The following ZNF730 variants were observed in gnomAD, a reference collection of about 807,000 sequenced individuals.
ZNF730 encodes putative zinc finger protein 730.
A neutral mutation model predicts 12.6 loss-of-function variants in ZNF730; 12 were observed. That is an observed-to-expected ratio of 0.95 (90% CI 0.61 to 1.54). The LOEUF is 1.54. Among genes scored for constraint, ZNF730 ranks in the 40% most tolerant of loss-of-function variants. The pLI is 0.00. For synonymous variants in ZNF730, 194 were observed against 195.8 expected (o/e 0.99, Z 0.08); for missense variants, 643 against 583.5 (o/e 1.10, Z -1.05).
chr19:23,116,614 G>T (rs1358934339), upstream of ZNF730, among the ~76,000 whole-genome samples: 1 of 149,380 alleles, frequency 6.7e-6, no homozygotes, highest in Non-Finnish European at 1.5e-5. Flanking sequence ...TAGAGACGGG[G>T]TTTCACTTGT....
At chr19:23,104,850 C>A (rs1970374303) in intron 1 of ZNF730, among the ~76,000 whole-genome samples, 1 of 152,102 alleles carries the variant, frequency 6.6e-6, no homozygotes, top group African/African-American at 2.4e-5. Context: ...TGAAAAATAT[C>A]ACTTTTTAAC....
chr19:23,081,085 A>G (rs933044593), intron 1 of ZNF730, among the ~76,000 whole-genome samples: 1 of 151,354 alleles, frequency 6.6e-6, no homozygotes, highest in Non-Finnish European at 1.5e-5. Context: ...ACCTCAGGTG[A>G]TCCAGCCGCC....
chr19:23,136,718 A>G (rs1438044619), intron 3 of ZNF730, among the ~76,000 whole-genome samples: 1 of 148,736 alleles, frequency 6.7e-6, no homozygotes. Context: ...GAAATTATAC[A>G]GTATGATGTC....
chr19:23,104,587 A>G (rs1970370713), intron 1 of ZNF730, among the ~76,000 whole-genome samples: 1 of 152,170 alleles, frequency 6.6e-6, no homozygotes, highest in Non-Finnish European at 1.5e-5. Flanking sequence ...TTTGGAAACT[A>G]TCTGTGAGTA....
chr19:23,098,711 ACT>A (rs1201204231), intron 1 of ZNF730, among the ~76,000 whole-genome samples: 1 of 150,996 alleles, frequency 6.6e-6, no homozygotes, highest in African/African-American at 2.4e-5. Context: ...AGGTGATATG[ACT>A]CTCCTGCCTG....
At chr19:23,131,528 C>G (rs2145650206) in intron 1 of ZNF730, among the ~76,000 whole-genome samples, 1 of 152,280 alleles carries the variant, frequency 6.6e-6, no homozygotes, top group Non-Finnish European at 1.5e-5. Context: ...CTTTCTGTTT[C>G]TTCTGTAAAC....
At chr19:23,144,052 T>C (rs8108080) in intron 3 of ZNF730, 1 of 152,112 alleles carries the variant, frequency 6.6e-6, no homozygotes, top group Non-Finnish European at 1.5e-5. Context: ...TTTGTTCTTA[T>C]CTTCATTTCT....
rs758498712 is a variant in ZNF730, at chr19:23,145,842, C to T, written c.798C>T (p.Asn266=). 1.3e-4 allele frequency: 202 copies of T among 1,604,536 alleles called. No homozygotes were observed. The highest frequency in any genetic ancestry group is 1.7e-4 in the Non-Finnish European group (196 of 1,177,012). Residue 266 remains asparagine (N), a synonymous_variant, in exon 4 of 4, where the codon AAC becomes AAT. Transcript: ENST00000597761. ...GTGAGAAATGTGGCAAATTTTTTAA[C>T]CAATCCACAAACCTTACTACACATA... ...YQCEKCGKFF[N]QSTNLTTHKR...
chr19:23,105,517 G>A (rs1345608375), intron 1 of ZNF730, among the ~76,000 whole-genome samples: 1 of 152,134 alleles, frequency 6.6e-6, no homozygotes, highest in Non-Finnish European at 1.5e-5. Flanking sequence ...ATGTCTCAAT[G>A]AGAGCACACA....
chr19:23,134,993 A>G (rs1432289108), intron 2 of ZNF730, among the ~76,000 whole-genome samples: 1 of 99,374 alleles, frequency 1.0e-5, no homozygotes, highest in African/African-American at 4.0e-5. Flanking sequence ...GGGCGGTGCA[A>G]GATGTGCTTT....
At chr19:23,078,960 A>G (rs1395639520) in intron 1 of ZNF730, among the ~76,000 whole-genome samples, 1 of 151,822 alleles carries the variant, frequency 6.6e-6, no homozygotes, top group African/African-American at 2.4e-5. Flanking sequence ...ATGTGCCATC[A>G]TGCCTGGCTA....
At chr19:23,136,569 A>T (rs975135223) in intron 3 of ZNF730, among the ~76,000 whole-genome samples, 1 of 152,050 alleles carries the variant, frequency 6.6e-6, no homozygotes, top group African/African-American at 2.4e-5. Flanking sequence ...CACACCCAGC[A>T]AATTAAACTA....
At chr19:23,090,598 A>G (rs1167089455) in intron 1 of ZNF730, among the ~76,000 whole-genome samples, 1 of 152,192 alleles carries the variant, frequency 6.6e-6, no homozygotes, top group African/African-American at 2.4e-5. Flanking sequence ...CATAAGTAGC[A>G]AGGAGCCTAA....
intron 1 of ZNF730, chr19:23,127,386 AT>A (rs1970684041): frequency 1.2e-6 from 1 of 809,024 alleles, no homozygotes; most frequent in Non-Finnish European, 2.1e-6. Flanking sequence ...GTGTTCTTGG[AT>A]ATTCCCAAAT....
chr19:23,083,040 G>A (rs1969991760), intron 1 of ZNF730, among the ~76,000 whole-genome samples: 2 of 151,846 alleles, frequency 1.3e-5, no homozygotes, highest in Non-Finnish European at 2.9e-5. Context: ...CATTTGAATT[G>A]ATTCTGTATC....
rs1388001716 is a variant in ZNF730 at position 23,146,517 on chromosome 19, G to C, written c.1473G>C (p.Arg491=). 4 of 1,586,498 alleles carry C rather than the reference G, an allele frequency of 2.5e-6. No individual in the cohort carries two copies. The stretch of plus-strand genomic sequence containing the variant: ...AAGAATGTGGTAAAGCCTTTAGGCG[G>C]TTCTCACACCTTACTAGGCATAAGA... ...KCKECGKAFR[R]FSHLTRHKTI... is the part of the protein sequence containing the mutation. The change falls in exon 4 of 4, where the codon CGG becomes CGC. Residue 491 remains arginine, a synonymous_variant. Coordinates refer to ENST00000597761, the MANE Select transcript of ZNF730 (RefSeq NM_001277403.2).
chr19:23,094,370 CT>C (rs1387456083), intron 1 of ZNF730, among the ~76,000 whole-genome samples: 1 of 141,516 alleles, frequency 7.1e-6, no homozygotes, highest in African/African-American at 2.9e-5. Context: ...ATCTATCTAT[CT>C]ATCTATCTAT....
chr19:23,079,448 C>T (rs1476909139), intron 1 of ZNF730, among the ~76,000 whole-genome samples: 3 of 152,170 alleles, frequency 2.0e-5, no homozygotes, highest in Admixed American at 6.5e-5. Flanking sequence ...ATAGCCACCG[C>T]GCCCGGCCTA....
chr19:23,090,928 C>T (rs767414922), intron 1 of ZNF730, among the ~76,000 whole-genome samples: 5 of 150,796 alleles, frequency 3.3e-5, no homozygotes, highest in South Asian at 2.1e-4. Flanking sequence ...ACCCAGGAGG[C>T]GGTGGAGGTT....
Sources: allele counts gnomAD v4.1 joint callset (sites outside exome capture counted in the v4.1 genomes callset), GRCh38; gene constraint gnomAD v4.1.1; transcripts MANE v1.5; gene names NCBI Gene and HGNC (gene_info 2026-07-23, HGNC 2026-07-21).